The following ZNF611 variants were observed in gnomAD, a reference collection of about 807,000 sequenced individuals.
ZNF611 encodes zinc finger protein 611.
Under a neutral mutation model 8.9 loss-of-function variants are expected in ZNF611, and 6 were observed. The observed-to-expected ratio is 0.68, with a 90% confidence interval of 0.37 to 1.34. ZNF611 has a LOEUF of 1.34. Ranked by LOEUF, ZNF611 falls within the 40% of genes most tolerant of loss-of-function variation. The pLI, the probability that ZNF611 is intolerant of heterozygous loss-of-function variation, is 0.02. For synonymous variants in ZNF611, 262 were observed against 279.7 expected (o/e 0.94, Z 0.63); for missense variants, 874 against 841.3 (o/e 1.04, Z -0.48).
intron 5 of ZNF611, among the ~76,000 whole-genome samples, chr19:52,709,653 C>CGCCTCGCA: frequency 6.6e-6 from 1 of 151,496 alleles, no homozygotes; most frequent in African/African-American, 2.4e-5. Flanking sequence ...CCACAACCAC[C>CGCCTCGCA]GCCTCGCAGG....
Position 52,705,024 on chromosome 19 carries a change from A to G in ZNF611, c.2031T>C (p.Pro677=), listed in dbSNP as rs1411783769. 1 of 1,614,190 alleles carries G rather than the reference A, an allele frequency of 6.2e-7. No homozygotes were observed. Among genetic ancestry groups the G allele is most frequent in the South Asian group, 1.1e-5 (1 of 91,084 alleles). ...CCTTCCCACATTCATTACACTTGTA[A>G]GGTTTCTCTGCAGTGTGAATTCTGG... ...RHTRIHTAEK[P]YKCNECGKAF... The change falls in exon 6 of 6, where the codon CCT becomes CCC. Residue 677 remains proline (P), a synonymous_variant. Coordinates refer to ENST00000652185, the MANE Select transcript of ZNF611 (RefSeq NM_001161499.2).
rs895952648 is a variant in ZNF611 at position 52,729,992 on chromosome 19, C to T, written c.-208G>A. The T allele has an allele frequency of 2.0e-5, 3 of 152,084 alleles. No homozygotes were observed. Among genetic ancestry groups the T allele is most frequent in the Non-Finnish European group, 4.4e-5 (3 of 68,020 alleles). 9.4% of individuals were successfully genotyped at this position (152,084 alleles called of 1,614,324 possible). ...AATTTTGTATATATGCATTGTCCTT[C>T]GTTATCTAGTCAACTGTGCAAAAAA... On this transcript the variant is annotated 5_prime_UTR_variant, in exon 2 of 6. Transcript: ENST00000652185.
chr19:52,733,395 G>C (rs551002179), intron 1 of ZNF611, among the ~76,000 whole-genome samples: 1 of 152,152 alleles, frequency 6.6e-6, no homozygotes, highest in East Asian at 1.9e-4. Flanking sequence ...GGACCTCCTG[G>C]GCTCAAGTCA....
intron 3 of ZNF611, 81 bp from the exon 4 acceptor site, chr19:52,715,994 CG>C: frequency 6.6e-7 from 1 of 1,524,230 alleles, no homozygotes; most frequent in Non-Finnish European, 8.9e-7. Context: ...ACGGGGGAGA[CG>C]TCACCCTGTA....
intron 3 of ZNF611, among the ~76,000 whole-genome samples, chr19:52,718,321 C>CAG (rs539956694): frequency 6.6e-6 from 1 of 151,886 alleles, no homozygotes; most frequent in Non-Finnish European, 1.5e-5. Flanking sequence ...GCCTGGGTGA[C>CAG]AGAGTCTCAA....
In ZNF611 at chr19:52,712,288, G is replaced by A. The variant is rs73574482; in HGVS notation, c.190+1727C>T. On this transcript the variant is annotated intron_variant, in intron 5 of 5. Coordinates refer to ENST00000652185, the MANE Select transcript of ZNF611 (RefSeq NM_001161499.2). Reference sequence around the variant, plus strand: ...TGTAGGAGACCATGGGGGTGAACAAGGATCCCCTGGCTGAGTAGGTAGAGA... The same window carrying A: ...TGTAGGAGACCATGGGGGTGAACAAAGATCCCCTGGCTGAGTAGGTAGAGA... Among the ~76,000 whole-genome samples, 338 of 151,832 alleles carry A rather than the reference G, an allele frequency of 2.2e-3. 2 individuals are homozygous for A. The highest frequency in any genetic ancestry group is 7.8e-3 in the African/African-American group (323 of 41,380).
intron 3 of ZNF611, chr19:52,721,077 A>C (rs1025794376): frequency 6.6e-6 from 1 of 152,548 alleles, no homozygotes; most frequent in South Asian, 2.1e-4. Context: ...CTCACTTCCT[A>C]GACGGGGCGG....
chr19:52,734,546 G>GT (rs900426810), intron 1 of ZNF611, among the ~76,000 whole-genome samples: 1 of 53,866 alleles, frequency 1.9e-5, no homozygotes, highest in Non-Finnish European at 3.7e-5. Context: ...CGGGGGGGGG[G>GT]GGCGCGACGG....
chr19:52,727,653 C>G (rs8106892), intron 3 of ZNF611, among the ~76,000 whole-genome samples: 1 of 151,938 alleles, frequency 6.6e-6, no homozygotes, highest in African/African-American at 2.4e-5. Flanking sequence ...AGGCTGGTTT[C>G]GAACTCCTGA....
chr19:52,733,805 C>A (rs2062440210), intron 1 of ZNF611, among the ~76,000 whole-genome samples: 2 of 151,944 alleles, frequency 1.3e-5, no homozygotes. Context: ...ATCCTCACAA[C>A]TTATTTAACC....
chr19:52,714,201 G>A (rs533941265), intron 4 of ZNF611, 60 bp from the exon 5 acceptor site: 1 of 1,582,324 alleles, frequency 6.3e-7, no homozygotes. Context: ...CACCTTCACA[G>A]AAAATGAGAA....
At chr19:52,725,716 A>G (rs367785460) in intron 3 of ZNF611, among the ~76,000 whole-genome samples, 1 of 152,068 alleles carries the variant, frequency 6.6e-6, no homozygotes, top group Admixed American at 6.5e-5. Context: ...GCAGAGCAAA[A>G]CTCACGCGCC....
At position 52,704,721 on chromosome 19, in the gene ZNF611, G is replaced by A. The variant is rs548889269; in HGVS notation, c.*216C>T. 3 of 1,598,774 alleles carry A rather than the reference G, an allele frequency of 1.9e-6. No homozygotes were observed. The highest frequency in any genetic ancestry group is 2.2e-5 in the East Asian group (1 of 44,782). ...TCCCTACACCATGAATTGCCTGATGGTGAATAAGTGTTGACTGCTTGCCAA... is the reference window on the plus strand; with the variant it reads ...TCCCTACACCATGAATTGCCTGATGATGAATAAGTGTTGACTGCTTGCCAA... On this transcript the variant is annotated 3_prime_UTR_variant, in exon 6 of 6. Coordinates refer to ENST00000652185, the MANE Select transcript of ZNF611 (RefSeq NM_001161499.2).
intron 3 of ZNF611, among the ~76,000 whole-genome samples, chr19:52,723,132 T>A (rs1340204712): frequency 6.6e-6 from 1 of 151,854 alleles, no homozygotes; most frequent in Non-Finnish European, 1.5e-5. Context: ...TGTTTTCTTT[T>A]CTTTTTCCCT....
chr19:52,712,636 TG>T, intron 5 of ZNF611, among the ~76,000 whole-genome samples: 1 of 129,750 alleles, frequency 7.7e-6, no homozygotes, highest in Non-Finnish European at 1.7e-5. Flanking sequence ...ATACTCCGTC[TG>T]AAAAAAAAAA....
intron 1 of ZNF611, among the ~76,000 whole-genome samples, chr19:52,732,082 A>G (rs2062429298): frequency 6.6e-6 from 1 of 152,046 alleles, no homozygotes; most frequent in Non-Finnish European, 1.5e-5. Context: ...CATCCTGGCT[A>G]ACACGGTGAA....
intron 2 of ZNF611, among the ~76,000 whole-genome samples, chr19:52,729,567 C>A (rs1038094513): frequency 1.4e-5 from 2 of 146,280 alleles, no homozygotes; most frequent in Non-Finnish European, 3.0e-5. Context: ...TTTCTGAATA[C>A]CTGTCATAAA....
At position 52,733,212 on chromosome 19, in the gene ZNF611, T is replaced by C. The variant is rs193153333; in HGVS notation, c.-222+1789A>G. Among the ~76,000 whole-genome samples, 362 of 152,338 alleles carry C rather than the reference T, an allele frequency of 2.4e-3. 3 individuals are homozygous for C. The South Asian group carries it at 0.024, about 10-fold the overall frequency. On this transcript the variant is annotated intron_variant, in intron 1 of 5. Transcript: ENST00000652185. ...TCATCTGTGTAATTTAAACAAGTTT[T>C]TAGTTATTAGATTATATATACAGAA...
intron 3 of ZNF611, among the ~76,000 whole-genome samples, chr19:52,728,442 G>A (rs1231859065): frequency 2.6e-5 from 4 of 152,098 alleles, no homozygotes; most frequent in African/African-American, 9.7e-5. Context: ...GGAGGCTGAG[G>A]CAGGAGAATC....
Sources: gnomAD v4.1 joint callset for allele counts (sites outside exome capture counted in the v4.1 genomes callset) on GRCh38, gnomAD v4.1.1 for gene constraint, MANE v1.5 for transcripts, NCBI Gene and HGNC (gene_info 2026-07-23, HGNC 2026-07-21) for gene names.